The following RTCB variants were observed in gnomAD, a reference collection of about 807,000 sequenced individuals.
RTCB encodes the protein RNA-splicing ligase RTCB.
A neutral mutation model predicts 58.2 loss-of-function variants in RTCB; 32 were observed. That is an observed-to-expected ratio of 0.55 (90% CI 0.41 to 0.74). The LOEUF is 0.74. Among genes scored for constraint, RTCB ranks in the 30% least tolerant of loss-of-function variants. The probability of loss-of-function intolerance (pLI) is 0.00; values close to 1 mark genes in which losing one functional copy is unlikely to be tolerated. For synonymous variants in RTCB, 247 were observed against 218.6 expected (o/e 1.13, Z -1.15); for missense variants, 523 against 639.0 (o/e 0.82, Z 1.96).
At chr22:32,392,142 TTC>T in intron 11 of RTCB, 96 bp downstream of exon 11, 3 of 1,304,448 alleles carry the variant, frequency 2.3e-6, no homozygotes, top group Non-Finnish European at 2.1e-6. Flanking sequence ...CCCAAACAAT[TTC>T]TGTTAGTAAC....
At chr22:32,402,879 G>A (rs1933361249) in intron 4 of RTCB, among the ~76,000 whole-genome samples, 1 of 152,016 alleles carries the variant, frequency 6.6e-6, no homozygotes, top group South Asian at 2.1e-4. Flanking sequence ...TGAGTAGCTG[G>A]GACTACAGGT....
chr22:32,404,561 C>A (rs1179833985), intron 4 of RTCB, among the ~76,000 whole-genome samples: 2 of 152,192 alleles, frequency 1.3e-5, no homozygotes, highest in East Asian at 3.8e-4. Context: ...TGTGCGCCAC[C>A]ATACCCAGCT....
At chr22:32,408,320 T>TCTA in intron 2 of RTCB, 78 bp from the exon 3 acceptor site, 1 of 1,243,124 alleles carries the variant, frequency 8.0e-7, no homozygotes, top group Non-Finnish European at 1.2e-6. Context: ...TTTTAGACTG[T>TCTA]ATAACGTGAA....
At chr22:32,398,913 G>C (rs1933288991) in intron 6 of RTCB, among the ~76,000 whole-genome samples, 1 of 152,128 alleles carries the variant, frequency 6.6e-6, no homozygotes, top group Non-Finnish European at 1.5e-5. Context: ...AACCATCCCA[G>C]TTTTCCATAA....
At position 32,411,670 on chromosome 22, in the gene RTCB, G is replaced by A. The variant is rs929234199; in HGVS notation, c.93+394C>T. Among the ~76,000 whole-genome samples, 6 of 152,316 alleles carry A rather than the reference G, an allele frequency of 3.9e-5. No individual in the cohort carries two copies. The East Asian group carries it at 5.8e-4, about 15-fold the overall frequency. ...TTTAAATAACCAGCATGACTCAGAG[G>A]AGGTGAATTCCAGTCCCAGCAAATG... On this transcript the variant is annotated intron_variant, in intron 1 of 11. Transcript: ENST00000216038.
intron 5 of RTCB, among the ~76,000 whole-genome samples, chr22:32,400,695 G>C (rs932592526): frequency 1.3e-5 from 2 of 152,136 alleles, no homozygotes; most frequent in Non-Finnish European, 2.9e-5. Flanking sequence ...TTTTACTTAG[G>C]TATTTTTTTT....
chr22:32,402,923 T>C (rs141816815), intron 4 of RTCB, among the ~76,000 whole-genome samples: 2 of 152,066 alleles, frequency 1.3e-5, no homozygotes, highest in Admixed American at 6.6e-5. Flanking sequence ...TTTTGTATTA[T>C]GCGTAGGGAT....
At chr22:32,394,824 G>A (rs1158912665) in intron 9 of RTCB, among the ~76,000 whole-genome samples, 2 of 151,140 alleles carry the variant, frequency 1.3e-5, no homozygotes, top group Admixed American at 1.3e-4. Flanking sequence ...TGCAGCACTT[G>A]CTATAGCACA....
rs749340829 is a variant in RTCB, at chr22:32,401,749, G to C, written c.495C>G (p.Ala165=). ...GTACTGGAAACGTGTGCTCTTACTTGGCATTCATTGGGATGACACCTTTTG... is the reference window on the plus strand; with the variant it reads ...GTACTGGAAACGTGTGCTCTTACTTCGCATTCATTGGGATGACACCTTTTG... ...VGSKGVIPMN[A]KDLEEALEMG... Residue 165 remains alanine, a splice_region_variant and synonymous_variant, in exon 5 of 12, where the codon GCC becomes GCG. Coordinates refer to ENST00000216038, the MANE Select transcript of RTCB (RefSeq NM_014306.5). 29 of 1,613,766 alleles carry C rather than the reference G, an allele frequency of 1.8e-5. No individual in the cohort carries two copies. The highest frequency in any genetic ancestry group is 1.7e-4 in the Middle Eastern group (1 of 6,034).
At chr22:32,394,437 G>T (rs552496697) in intron 9 of RTCB, among the ~76,000 whole-genome samples, 1 of 152,102 alleles carries the variant, frequency 6.6e-6, no homozygotes, top group Non-Finnish European at 1.5e-5. Flanking sequence ...CTAAACGCGC[G>T]GCTAGTAAAC....
At chr22:32,393,719 C>T (rs1426323397) in intron 10 of RTCB, among the ~76,000 whole-genome samples, 173 bp downstream of exon 10, 1 of 152,184 alleles carries the variant, frequency 6.6e-6, no homozygotes, top group African/African-American at 2.4e-5. Flanking sequence ...TACTAGGTGA[C>T]CCCAGTCAGT....
chr22:32,409,545 C>T (rs558020859), intron 1 of RTCB, among the ~76,000 whole-genome samples: 1 of 142,798 alleles, frequency 7.0e-6, no homozygotes, highest in African/African-American at 3.0e-5. Flanking sequence ...AAGAGCTGTC[C>T]AGTAATGGAG....
chr22:32,392,310 T>A lies in RTCB; in HGVS notation c.1340A>T (p.Asp447Val), dbSNP rs767612001. The A allele has an allele frequency of 6.2e-7, 1 of 1,614,136 alleles. No individual in the cohort carries two copies. Among genetic ancestry groups the A allele is most frequent in the South Asian group, 1.1e-5 (1 of 91,080 alleles). ...CATATCTGCCAATTTGTCTAAGACA[T>A]CCTGGAAATCTAAATTACGTCGAGA... Reference protein sequence around the residue: ...AKSRRNLDFQDVLDKLADMGI... With the variant: ...AKSRRNLDFQVVLDKLADMGI... The change falls in exon 11 of 12, where the codon GAT (aspartate) becomes GTT (valine). Residue 447 changes from aspartate to valine, a missense_variant. Physicochemically the swap from Asp to Val is radical, Grantham distance 152 (BLOSUM62 -3). Around this residue, in one of 3 missense-constraint regions of RTCB, gnomAD observed 248 missense variants for 292.5 expected, o/e 0.85. Transcript: ENST00000216038.
chr22:32,391,379 CTA>C, intron 11 of RTCB, among the ~76,000 whole-genome samples: 1 of 151,182 alleles, frequency 6.6e-6, no homozygotes, highest in East Asian at 1.9e-4. Context: ...TAGGAAAAAA[CTA>C]TGACAATAAG....
At chr22:32,390,991 C>T (rs1399248217) in intron 11 of RTCB, among the ~76,000 whole-genome samples, 2 of 152,132 alleles carry the variant, frequency 1.3e-5, no homozygotes, top group African/African-American at 4.8e-5. Flanking sequence ...GCTAGGACTA[C>T]ACCTGGCTAA....
chr22:32,396,711 T>A (rs1933252284), intron 7 of RTCB, among the ~76,000 whole-genome samples: 1 of 152,248 alleles, frequency 6.6e-6, no homozygotes, highest in Admixed American at 6.5e-5. Context: ...AGGGTCAGGC[T>A]GGCACAAATT....
At chr22:32,401,595 C>G (rs1386181329) in intron 5 of RTCB, 152 bp downstream of exon 5, 2 of 757,612 alleles carry the variant, frequency 2.6e-6, no homozygotes, top group Non-Finnish European at 2.1e-6. Flanking sequence ...AATAAATGGG[C>G]TGTACCTCAT....
intron 10 of RTCB, among the ~76,000 whole-genome samples, chr22:32,393,455 G>A (rs1933189402): frequency 1.3e-5 from 2 of 152,096 alleles, no homozygotes; most frequent in Non-Finnish European, 1.5e-5. Context: ...GACTGTACAT[G>A]GGCTCTAATT....
chr22:32,395,942 G>GC (rs3215463), intron 8 of RTCB, 132 bp downstream of exon 8: 6 of 806,470 alleles, frequency 7.4e-6, no homozygotes, highest in Admixed American at 2.4e-5. Flanking sequence ...CTTGTGATCC[G>GC]CCCCCCCTCG....
Sources: gnomAD v4.1 joint callset for allele counts (sites outside exome capture counted in the v4.1 genomes callset) on GRCh38, gnomAD v4.1.1 for gene constraint, gnomAD v4.1.1 regional missense constraint, MANE v1.5 for transcripts, NCBI Gene and HGNC (gene_info 2026-07-23, HGNC 2026-07-21) for gene names.